Variants in FOXN3 observed in about 807,000 individuals in gnomAD.
The protein encoded by FOXN3 is forkhead box N3.
FOXN3 carries 7 observed loss-of-function variants against 38.4 expected under a neutral mutation model. The ratio of observed to expected loss-of-function variants is 0.18; its 90% confidence interval spans 0.10 to 0.34. The LOEUF is 0.34. Ranked by LOEUF, FOXN3 falls within the 10% of genes least tolerant of loss-of-function variation. FOXN3 has a pLI of 1.00. For missense variants in FOXN3, 456 were observed against 613.4 expected, an observed-to-expected ratio of 0.74 and a Z score of 2.71; for synonymous variants, 230 against 242.2, an observed-to-expected ratio of 0.95 and a Z score of 0.47.
intron 1 of FOXN3, among the ~76,000 whole-genome samples, chr14:89,475,059 C>T (rs1198107365): frequency 6.6e-6 from 1 of 152,114 alleles, no homozygotes; most frequent in Admixed American, 6.5e-5. Context: ...CGTGATCCAT[C>T]CGCCCCAGCC....
chr14:89,182,015 C>A (rs929860377), intron 4 of FOXN3, among the ~76,000 whole-genome samples: 2 of 152,144 alleles, frequency 1.3e-5, no homozygotes, highest in Non-Finnish European at 2.9e-5. Flanking sequence ...CCCATATAGT[C>A]CCTGGCACAG....
chr14:89,255,022 G>A (rs907825976), intron 4 of FOXN3, among the ~76,000 whole-genome samples: 4 of 150,696 alleles, frequency 2.7e-5, no homozygotes, highest in East Asian at 1.9e-4. Flanking sequence ...CATGTGCGGC[G>A]CATTTGGGGG....
At chr14:89,553,226 G>A (rs243215) in intron 1 of FOXN3, among the ~76,000 whole-genome samples, 10,219 of 120,952 alleles carry the variant, frequency 0.084, 525 homozygotes, top group Middle Eastern at 0.13. Context: ...GCAACAGAAC[G>A]AGACCCTGTC....
At chr14:89,516,836 G>A (rs1483020021) in intron 1 of FOXN3, among the ~76,000 whole-genome samples, 2 of 152,140 alleles carry the variant, frequency 1.3e-5, no homozygotes, top group Non-Finnish European at 2.9e-5. Context: ...GTGTTGGGAT[G>A]ACAGGTGTGA....
At chr14:89,430,123 C>A (rs1892125101) in intron 1 of FOXN3, among the ~76,000 whole-genome samples, 1 of 152,204 alleles carries the variant, frequency 6.6e-6, no homozygotes, top group South Asian at 2.1e-4. Flanking sequence ...AAATTGAAGG[C>A]TGACCTTAAA....
chr14:89,554,782 C>CTTTTTTTT (rs34530866), intron 1 of FOXN3, among the ~76,000 whole-genome samples: 17 of 68,566 alleles, frequency 2.5e-4, no homozygotes, highest in African/African-American at 7.1e-4. Context: ...ACTAGCATTT[C>CTTTTTTTT]TTTTTTTTTT....
chr14:89,538,191 C>T (rs1159146188), intron 1 of FOXN3, among the ~76,000 whole-genome samples: 1 of 152,188 alleles, frequency 6.6e-6, no homozygotes, highest in Non-Finnish European at 1.5e-5. Context: ...TGTATTTGTT[C>T]TTCTGCTCAA....
intron 3 of FOXN3, among the ~76,000 whole-genome samples, chr14:89,286,752 G>A (rs762195540): frequency 5.3e-5 from 8 of 152,124 alleles, no homozygotes; most frequent in Non-Finnish European, 7.4e-5. Flanking sequence ...GATGTCACTC[G>A]CTGGCATTTG....
In FOXN3 at chr14:89,493,616, T is replaced by C. The variant is rs116474803; in HGVS notation, c.-14-81126A>G. Among the ~76,000 whole-genome samples, 1,137 of 152,284 alleles carry C rather than the reference T, an allele frequency of 7.5e-3. 19 individuals are homozygous for C. The highest frequency in any genetic ancestry group is 0.027 in the African/African-American group (1,106 of 41,564). On this transcript the variant is annotated intron_variant, in intron 1 of 6. Transcript: ENST00000345097. ...GTCAGCTTGGAGAGAATGAGATATT[T>C]ACATAAGCTTTCAGAAAAGACAATG...
At chr14:89,553,450 G>GAA (rs57720898) in intron 1 of FOXN3, among the ~76,000 whole-genome samples, 5 of 121,804 alleles carry the variant, frequency 4.1e-5, no homozygotes, top group African/African-American at 6.0e-5. Flanking sequence ...ACATGAAAGT[G>GAA]AAAAAAAAAA....
At chr14:89,465,019 G>A (rs1235377189) in intron 1 of FOXN3, among the ~76,000 whole-genome samples, 1 of 151,876 alleles carries the variant, frequency 6.6e-6, no homozygotes, top group South Asian at 2.1e-4. Context: ...TCTCGTGACA[G>A]TGAGTGAGTT....
At chr14:89,534,928 A>G (rs1894652569) in intron 1 of FOXN3, among the ~76,000 whole-genome samples, 1 of 152,224 alleles carries the variant, frequency 6.6e-6, no homozygotes, top group Non-Finnish European at 1.5e-5. Context: ...TTCTGCCCAC[A>G]TCTCAGAATC....
chr14:89,162,663 A>G lies in FOXN3; in HGVS notation c.1158T>C (p.Ser386=). Residue 386 remains serine, a synonymous_variant, in exon 6 of 6, where the codon TCT becomes TCC. Coordinates refer to ENST00000557258, the MANE Select transcript of FOXN3 (RefSeq NM_005197.4). The surrounding 1 kb of genome is among the most constrained non-coding windows in gnomAD (Gnocchi z 7.2). ...RKHSQKEPKD[S]LGDSGYASQH... Reference sequence around the variant, plus strand: ...GGGATGCGTACCCGCTGTCCCCCAGAGAATCCTTGGGCTCCTTCTGGCTGT... The same window carrying G: ...GGGATGCGTACCCGCTGTCCCCCAGGGAATCCTTGGGCTCCTTCTGGCTGT... 1 of 1,613,626 alleles carries G rather than the reference A, an allele frequency of 6.2e-7. No individual in the cohort carries two copies. Among genetic ancestry groups the G allele is most frequent in the East Asian group, 2.2e-5 (1 of 44,810 alleles).
chr14:89,527,120 G>A (rs1172322425), intron 1 of FOXN3, among the ~76,000 whole-genome samples: 2 of 151,508 alleles, frequency 1.3e-5, no homozygotes, highest in African/African-American at 4.9e-5. Flanking sequence ...CAGGATGAGG[G>A]GGTGAAGGGG....
At chr14:89,390,591 T>C (rs1890917375) in intron 2 of FOXN3, among the ~76,000 whole-genome samples, 1 of 151,676 alleles carries the variant, frequency 6.6e-6, no homozygotes, top group Admixed American at 6.6e-5. Context: ...ACTACAAAAT[T>C]CTTATTATTG....
chr14:89,447,639 C>T (rs1280822657), intron 1 of FOXN3, among the ~76,000 whole-genome samples: 1 of 152,020 alleles, frequency 6.6e-6, no homozygotes, highest in Non-Finnish European at 1.5e-5. Context: ...ACACCCCATG[C>T]CTAGGAGACC....
At position 89,521,306 on chromosome 14, in the gene FOXN3, T is replaced by TA. The variant is rs201469253; in HGVS notation, c.-15+97721dup. ...GCCTGGCAACAGAGCAGGCTCCATC[T>TA]AAAAAAAAACAAAAGAGAGAGAGAG... On this transcript the variant is annotated intron_variant, in intron 1 of 6. Transcript: ENST00000345097. Among the ~76,000 whole-genome samples, 463 of 144,972 alleles carry TA rather than the reference T, an allele frequency of 3.2e-3. 7 individuals carry two copies. In the East Asian group the frequency reaches 0.037, roughly 12 times the overall value.
At chr14:89,388,554 C>T (rs1890853983) in intron 2 of FOXN3, among the ~76,000 whole-genome samples, 1 of 152,044 alleles carries the variant, frequency 6.6e-6, no homozygotes, top group Non-Finnish European at 1.5e-5. Context: ...ACAGCGCTGT[C>T]CCAAGCACTG....
Position 89,571,523 on chromosome 14 carries a change from A to AT in FOXN3, c.-15+47504_-15+47505insA, listed in dbSNP as rs1312603996. 9.7e-4 allele frequency among the ~76,000 whole-genome samples: 148 copies of AT among 152,056 alleles called. 1 individual carries two copies. Among genetic ancestry groups the AT allele is most frequent in the African/African-American group, 3.4e-3 (142 of 41,474 alleles). On this transcript the variant is annotated intron_variant, in intron 1 of 6. Transcript: ENST00000345097. ...GACTCTGTCTCACAAAAAAAAAAAAAGAAAAGTGACAGACTGAGAATGAAA... is the reference window on the plus strand; with the variant it reads ...GACTCTGTCTCACAAAAAAAAAAAAATGAAAAGTGACAGACTGAGAATGAAA...
Sources: gnomAD v4.1 joint callset for allele counts (sites outside exome capture counted in the v4.1 genomes callset) on GRCh38, gnomAD v4.1.1 for gene constraint, Gnocchi (gnomAD v3.1) non-coding constraint, MANE v1.5 for transcripts, NCBI Gene and HGNC (gene_info 2026-07-23, HGNC 2026-07-21) for gene names.